Variants in VTI1A observed in about 807,000 individuals in gnomAD.
VTI1A encodes vesicle transport through interaction with t-SNAREs 1A.
In VTI1A, 22 loss-of-function variants were observed where a neutral mutation model predicts 34.9. That is an observed-to-expected ratio of 0.63 (90% CI 0.45 to 0.90). The LOEUF is 0.90. Ranked by LOEUF, VTI1A falls within the 40% of genes least tolerant of loss-of-function variation. The pLI is 0.00. For missense variants in VTI1A, 268 were observed against 275.6 expected (o/e 0.97, Z 0.20); for synonymous variants, 87 against 97.3 (o/e 0.89, Z 0.62).
At chr10:112,833,247 G>A in the VTI1A span, among the ~76,000 whole-genome samples, 38,891 of 151,664 alleles carry the variant, frequency 0.26, 6,308 homozygotes, top group East Asian at 0.56. Flanking sequence ...GTTAGGGCAT[G>A]CAATCTATCT....
intron 5 of VTI1A, among the ~76,000 whole-genome samples, chr10:112,568,873 AGCTG>A (rs1852004401): frequency 6.6e-6 from 1 of 152,044 alleles, no homozygotes; most frequent in African/African-American, 2.4e-5. Context: ...GGTGAAACTC[AGCTG>A]GGCGCGGTGG....
intron 5 of VTI1A, among the ~76,000 whole-genome samples, chr10:112,642,357 T>TC (rs1289258238): frequency 6.6e-6 from 1 of 151,806 alleles, no homozygotes; most frequent in Non-Finnish European, 1.5e-5. Flanking sequence ...ATTCCTCTGA[T>TC]CCCCCCCTCT....
intron 5 of VTI1A, among the ~76,000 whole-genome samples, chr10:112,661,004 A>G (rs1345850318): frequency 6.6e-6 from 1 of 152,160 alleles, no homozygotes; most frequent in Admixed American, 6.5e-5. Flanking sequence ...TTTTTGAGAC[A>G]GGGTCTCAGT....
intron 7 of VTI1A, among the ~76,000 whole-genome samples, chr10:112,759,882 C>T (rs573225382): frequency 3.4e-4 from 52 of 152,226 alleles, no homozygotes; most frequent in Admixed American, 2.7e-3. Context: ...CACATATTCT[C>T]GGAGTGAGGG....
chr10:112,455,987 C>T (rs2134028172), intron 1 of VTI1A, among the ~76,000 whole-genome samples: 1 of 152,178 alleles, frequency 6.6e-6, no homozygotes, highest in South Asian at 2.1e-4. Flanking sequence ...AAGTATGTTG[C>T]TGCGTGCTAA....
At chr10:112,783,979 A>G (rs1303860625) in intron 7 of VTI1A, among the ~76,000 whole-genome samples, 1 of 152,266 alleles carries the variant, frequency 6.6e-6, no homozygotes, top group Non-Finnish European at 1.5e-5. Context: ...GTGAAAGGAA[A>G]GAAATAAAAG....
intron 5 of VTI1A, among the ~76,000 whole-genome samples, chr10:112,579,033 C>A (rs1040115189): frequency 1.3e-5 from 2 of 152,172 alleles, no homozygotes; most frequent in East Asian, 3.8e-4. Context: ...TAATTGTCAT[C>A]TGAAAAACCT....
chr10:112,756,308 T>C (rs1036212577), intron 7 of VTI1A, among the ~76,000 whole-genome samples: 1 of 152,182 alleles, frequency 6.6e-6, no homozygotes, highest in Admixed American at 6.5e-5. Context: ...TGTTACGGCA[T>C]GACTACTTTT....
chr10:112,727,476 G>GA (rs1398866029), intron 7 of VTI1A, among the ~76,000 whole-genome samples: 1 of 151,884 alleles, frequency 6.6e-6, no homozygotes, highest in Non-Finnish European at 1.5e-5. Context: ...CTACTTACAT[G>GA]AAAAAAATAT....
At chr10:112,643,162 T>C (rs1432910459) in intron 5 of VTI1A, among the ~76,000 whole-genome samples, 1 of 99,342 alleles carries the variant, frequency 1.0e-5, no homozygotes, top group African/African-American at 3.1e-5. Flanking sequence ...TTTTTTTTTT[T>C]TCTTTTTTTT....
At chr10:112,616,618 A>G (rs1218219744) in intron 5 of VTI1A, among the ~76,000 whole-genome samples, 2 of 152,180 alleles carry the variant, frequency 1.3e-5, no homozygotes. Context: ...TTACTTCACA[A>G]GGTTTTCAGA....
intron 7 of VTI1A, among the ~76,000 whole-genome samples, chr10:112,726,751 C>T (rs182622312): frequency 1.3e-3 from 204 of 152,202 alleles, no homozygotes; most frequent in Admixed American, 3.3e-3. Context: ...CTCAGGGTAT[C>T]TTGGAGTTTC....
At chr10:112,611,886 C>T (rs925088150) in intron 5 of VTI1A, among the ~76,000 whole-genome samples, 3 of 151,366 alleles carry the variant, frequency 2.0e-5, no homozygotes, top group Admixed American at 6.6e-5. Flanking sequence ...GGACTACAGG[C>T]GCCTGCCACC....
At chr10:112,522,319 C>T (rs1276673589) in intron 3 of VTI1A, among the ~76,000 whole-genome samples, 3 of 151,938 alleles carry the variant, frequency 2.0e-5, no homozygotes, top group Non-Finnish European at 4.4e-5. Context: ...TTGTTTTAGA[C>T]CTATGGAGAA....
chr10:112,775,096 ACT>A lies in VTI1A; in HGVS notation c.561-40191_561-40190del, dbSNP rs897327239. ...AGTGATATTGAGGTTGGGTCTTGTG[ACT>A]CTGCTTAAAGACCATTTCTAACACC... On this transcript the variant is annotated intron_variant, in intron 7 of 7. Transcript: ENST00000393077. 5.9e-5 allele frequency among the ~76,000 whole-genome samples: 9 copies of A among 152,238 alleles called. 1 individual carries two copies. Among genetic ancestry groups the A allele is most frequent in the African/African-American group, 2.2e-4 (9 of 41,538 alleles).
intron 7 of VTI1A, among the ~76,000 whole-genome samples, chr10:112,764,283 C>T (rs186652869): frequency 2.0e-5 from 3 of 152,192 alleles, no homozygotes; most frequent in East Asian, 1.9e-4. Context: ...CTTGATGTGT[C>T]GGTCATTGCA....
chr10:112,548,965 T>G (rs1676911160), intron 5 of VTI1A: 1 of 660,712 alleles, frequency 1.5e-6, no homozygotes, highest in African/African-American at 1.8e-5. Context: ...TCTTTCTTTC[T>G]TCTCTTCTTC....
chr10:112,612,107 A>G (rs988551924), intron 5 of VTI1A, among the ~76,000 whole-genome samples: 1 of 152,092 alleles, frequency 6.6e-6, no homozygotes, highest in Non-Finnish European at 1.5e-5. Context: ...AAATTCTTTT[A>G]AAAATAAAAA....
At chr10:112,743,012 TCG>T in intron 7 of VTI1A, among the ~76,000 whole-genome samples, 1 of 128,002 alleles carries the variant, frequency 7.8e-6, no homozygotes, top group Admixed American at 8.2e-5. Context: ...GGACCTATTC[TCG>T]TGTGTGTGTG....
Sources: allele counts gnomAD v4.1 joint callset (sites outside exome capture counted in the v4.1 genomes callset), GRCh38; gene constraint gnomAD v4.1.1; transcripts MANE v1.5; gene names NCBI Gene and HGNC (gene_info 2026-07-23, HGNC 2026-07-21).